Variants in PILRA observed in about 807,000 individuals in gnomAD.
The protein encoded by PILRA is paired immunoglobin like type 2 receptor alpha.
PILRA carries 37 observed loss-of-function variants against 33.1 expected under a neutral mutation model. The observed-to-expected ratio is 1.12, with a 90% CI of 0.86 to 1.47. PILRA has a LOEUF of 1.47. Ranked by LOEUF, PILRA falls within the 40% of genes most tolerant of loss-of-function variation. The pLI is 0.00. For missense variants in PILRA, 312 were observed against 376.2 expected (o/e 0.83, Z 1.41); for synonymous variants, 146 against 149.9 (o/e 0.97, Z 0.19).
intron 3 of PILRA, among the ~76,000 whole-genome samples, chr7:100,396,940 C>T: frequency 6.6e-6 from 1 of 151,050 alleles, no homozygotes; most frequent in Non-Finnish European, 1.5e-5. Flanking sequence ...CACTAATGAA[C>T]TGTACACGTG....
intron 2 of PILRA, among the ~76,000 whole-genome samples, chr7:100,380,722 T>G (rs1019205677): frequency 1.3e-5 from 2 of 152,152 alleles, no homozygotes; most frequent in East Asian, 3.8e-4. Flanking sequence ...TCCCAGCAGT[T>G]TGGTAGGCCG....
At chr7:100,390,822 G>A (rs1490380256) in intron 3 of PILRA, among the ~76,000 whole-genome samples, 1 of 152,076 alleles carries the variant, frequency 6.6e-6, no homozygotes, top group Admixed American at 6.6e-5. Flanking sequence ...AGGCAGGAAA[G>A]GAGAGGACCT....
intron 2 of PILRA, among the ~76,000 whole-genome samples, chr7:100,379,219 C>T (rs1251839315): frequency 2.6e-5 from 4 of 151,342 alleles, no homozygotes; most frequent in African/African-American, 4.9e-5. Flanking sequence ...GTTTGGCCAA[C>T]ATGGTGAAAC....
At position 100,373,552 on chromosome 7, in the gene PILRA, CG is replaced by C. The variant is rs1307226097; in HGVS notation, c.-103del. On this transcript the variant is annotated 5_prime_UTR_variant, in exon 1 of 7. Coordinates refer to ENST00000198536, the MANE Select transcript of PILRA (RefSeq NM_013439.3). ...CACAGCCCTCTTCGGAGCCTGAGCCCGGCTCTCCTCACTCACCTCAACCCCC... is the reference window on the plus strand; with the variant it reads ...CACAGCCCTCTTCGGAGCCTGAGCCCGCTCTCCTCACTCACCTCAACCCCC... The C allele has an allele frequency of 1.1e-5, 15 of 1,322,070 alleles. No individual in the cohort carries two copies. The highest frequency in any genetic ancestry group is 4.3e-6 in the Non-Finnish European group (4 of 924,640). The allele number at this position is 1,322,070 out of a possible 1,614,324, so 81.9% of individuals were successfully genotyped here. A position where few individuals can be genotyped will look rare whatever the true frequency, so the allele number is the denominator to read the frequency against.
At chr7:100,395,989 T>A (rs950095830) in intron 3 of PILRA, among the ~76,000 whole-genome samples, 2 of 152,008 alleles carry the variant, frequency 1.3e-5, no homozygotes, top group African/African-American at 2.4e-5. Context: ...CTGGGTGTGG[T>A]GGCGGGCACC....
chr7:100,399,966 T>G lies in PILRA; in HGVS notation c.*59T>G, dbSNP rs1418522138. On this transcript the variant is annotated 3_prime_UTR_variant, in exon 7 of 7. Transcript: ENST00000198536. ...GGCCAGGTACAGTGGCGCACACCTG[T>G]AATCCCAGCTACTCTGAAGCCTGAG... 2 of 1,486,794 alleles carry G rather than the reference T, an allele frequency of 1.3e-6. No individual in the cohort carries two copies. Among genetic ancestry groups the G allele is most frequent in the African/African-American group, 1.4e-5 (1 of 71,340 alleles). 92.1% of individuals were successfully genotyped at this position (1,486,794 alleles called of 1,614,324 possible).
At chr7:100,381,292 AAC>A (rs1038209221) in intron 2 of PILRA, among the ~76,000 whole-genome samples, 4 of 151,810 alleles carry the variant, frequency 2.6e-5, no homozygotes, top group African/African-American at 9.7e-5. Flanking sequence ...ACAAACAAAA[AAC>A]AACTAGCTGG....
At chr7:100,385,140 G>A (rs565294606) in intron 2 of PILRA, among the ~76,000 whole-genome samples, 3 of 152,280 alleles carry the variant, frequency 2.0e-5, no homozygotes, top group East Asian at 1.9e-4. Flanking sequence ...AGCAATATTC[G>A]CATGCTGTTT....
At chr7:100,383,168 C>T (rs1791157188) in intron 2 of PILRA, among the ~76,000 whole-genome samples, 2 of 152,234 alleles carry the variant, frequency 1.3e-5, no homozygotes, top group Middle Eastern at 3.4e-3. Flanking sequence ...TAGAGTGAGG[C>T]ACACTTGGGG....
At chr7:100,395,325 A>G (rs1025167312) in intron 3 of PILRA, among the ~76,000 whole-genome samples, 1 of 152,104 alleles carries the variant, frequency 6.6e-6, no homozygotes, top group African/African-American at 2.4e-5. Flanking sequence ...ATAAAAAGGG[A>G]TTTCAGGAGT....
intron 4 of PILRA, among the ~76,000 whole-genome samples, chr7:100,398,932 T>C (rs1657428398): frequency 6.7e-6 from 1 of 149,202 alleles, no homozygotes; most frequent in African/African-American, 2.5e-5. Context: ...CATAACTCTT[T>C]CTTCAATTTT....
intron 3 of PILRA, 143 bp downstream of exon 3, chr7:100,390,249 G>GACACCTCAGCAT: frequency 1.4e-6 from 1 of 692,656 alleles, no homozygotes; most frequent in Non-Finnish European, 2.5e-6. Context: ...GGCCTATGCT[G>GACACCTCAGCAT]AGGTGTCTGC....
intron 2 of PILRA, among the ~76,000 whole-genome samples, chr7:100,379,668 CAAA>C (rs57322009): frequency 7.2e-5 from 5 of 69,028 alleles, no homozygotes; most frequent in African/African-American, 5.6e-5. Context: ...ACTCTGTCTC[CAAA>C]AAAAAAAAAA....
intron 2 of PILRA, among the ~76,000 whole-genome samples, chr7:100,381,719 A>C (rs2130182295): frequency 6.6e-6 from 1 of 152,190 alleles, no homozygotes; most frequent in East Asian, 1.9e-4. Context: ...GCTTGCAGGC[A>C]GGTGTGGAGG....
chr7:100,380,391 C>T (rs1000579468), intron 2 of PILRA, among the ~76,000 whole-genome samples: 2 of 152,210 alleles, frequency 1.3e-5, no homozygotes, highest in Non-Finnish European at 2.9e-5. Flanking sequence ...TTTCCTTCTA[C>T]TCAGAAAGCT....
At chr7:100,393,191 A>G (rs1791422507) in intron 3 of PILRA, among the ~76,000 whole-genome samples, 1 of 152,098 alleles carries the variant, frequency 6.6e-6, no homozygotes, top group Non-Finnish European at 1.5e-5. Context: ...GAGGCATGAG[A>G]ATCGCTTGAA....
At chr7:100,398,094 G>C (rs1791537482) in intron 4 of PILRA, among the ~76,000 whole-genome samples, 182 bp downstream of exon 4, 1 of 152,150 alleles carries the variant, frequency 6.6e-6, no homozygotes, top group African/African-American at 2.4e-5. Flanking sequence ...TCTTGACCTT[G>C]GGCTTTCTGT....
intron 6 of PILRA, 32 bp from the exon 7 acceptor site, chr7:100,399,753 G>A: frequency 6.2e-7 from 1 of 1,611,272 alleles, no homozygotes; most frequent in Non-Finnish European, 8.5e-7. Context: ...CGTCTCCACT[G>A]TCTAACCCTT....
At position 100,397,912 on chromosome 7, in the gene PILRA, G is replaced by A; in HGVS notation, c.707G>A (p.Arg236Lys). The A allele has an allele frequency of 6.2e-7, 1 of 1,613,956 alleles. No individual in the cohort carries two copies. Among genetic ancestry groups the A allele is most frequent in the Non-Finnish European group, 8.5e-7 (1 of 1,179,840 alleles). ...QQRTKATTPA[R>K]EPFQNTEEPY... ...CGGACTAAAGCCACAACCCCAGCCA[G>A]GTGAGTGCTGGGCCTCCCCAGGGTG... Residue 236 changes from arginine to lysine, a missense_variant and splice_region_variant, in exon 4 of 7, where the codon AGG becomes AAG. Coordinates refer to ENST00000198536, the MANE Select transcript of PILRA (RefSeq NM_013439.3).
Sources: allele counts gnomAD v4.1 joint callset (sites outside exome capture counted in the v4.1 genomes callset), GRCh38; gene constraint gnomAD v4.1.1; transcripts MANE v1.5; gene names NCBI Gene and HGNC (gene_info 2026-07-23, HGNC 2026-07-21).